CTNNA2: variants seen among roughly 807,000 people sequenced by gnomAD.
CTNNA2 encodes the protein catenin alpha 2, also known as catenin alpha-2.
CTNNA2 carries 42 observed loss-of-function variants against 101.0 expected under a neutral mutation model. The observed-to-expected ratio is 0.42, with a 90% CI of 0.32 to 0.54. The LOEUF (loss-of-function observed/expected upper bound fraction) is 0.54. Among genes scored for constraint, CTNNA2 ranks in the 20% least tolerant of loss-of-function variants. The pLI, the probability that CTNNA2 is intolerant of heterozygous loss-of-function variation, is 0.14. For synonymous variants in CTNNA2, 450 were observed against 456.4 expected, an observed-to-expected ratio of 0.99 and a Z score of 0.18; for missense variants, 871 against 1,223.1, an observed-to-expected ratio of 0.71 and a Z score of 4.29.
Position 80,303,346 on chromosome 2 carries a change from G to A in CTNNA2, c.1057-89865G>A, listed in dbSNP as rs140588949. On this transcript the variant is annotated intron_variant, in intron 7 of 18. Transcript: ENST00000402739. This position sits in a 1 kb window ranked among gnomAD's most constrained non-coding sequence, Gnocchi z 7.7. The stretch of plus-strand genomic sequence containing the variant: ...GCAGCGTGGTGAGCTTCCGCAGCCC[G>A]TGGAAGAGGTCGGGCGCGAGCGCCT... The A allele has an allele frequency of 2.0e-3, 3,199 of 1,614,012 alleles. 3 individuals carry two copies. Among genetic ancestry groups the A allele is most frequent in the South Asian group, 3.9e-3 (352 of 91,088 alleles).
intron 7 of CTNNA2, among the ~76,000 whole-genome samples, chr2:80,017,200 G>T (rs1694209699): frequency 6.6e-6 from 1 of 152,044 alleles, no homozygotes; most frequent in African/African-American, 2.4e-5. Flanking sequence ...AACTGGGAGT[G>T]GGGTGGGATC....
intron 3 of CTNNA2, among the ~76,000 whole-genome samples, chr2:79,333,115 C>T (rs1313221689): frequency 6.6e-6 from 1 of 152,128 alleles, no homozygotes; most frequent in East Asian, 1.9e-4. Flanking sequence ...TTTGAATCAT[C>T]AGAAATGTAA....
intron 9 of CTNNA2, among the ~76,000 whole-genome samples, chr2:80,515,697 G>T (rs1488444218): frequency 2.0e-5 from 3 of 152,146 alleles, no homozygotes; most frequent in African/African-American, 7.2e-5. Context: ...CACCACATGA[G>T]CTCAGATTTG....
intron 9 of CTNNA2, among the ~76,000 whole-genome samples, chr2:80,484,968 T>C (rs1294001919): frequency 6.6e-6 from 1 of 152,144 alleles, no homozygotes; most frequent in African/African-American, 2.4e-5. Flanking sequence ...ACTGTGCCAC[T>C]GCATTCCAGC....
intron 7 of CTNNA2, among the ~76,000 whole-genome samples, chr2:80,019,980 G>T (rs1558734371): frequency 6.6e-6 from 1 of 152,054 alleles, no homozygotes; most frequent in Non-Finnish European, 1.5e-5. Flanking sequence ...GTTGTTGCAA[G>T]TAGATCATTA....
chr2:80,584,380 T>C (rs1290661059), intron 14 of CTNNA2, among the ~76,000 whole-genome samples: 2 of 145,826 alleles, frequency 1.4e-5, no homozygotes, highest in Admixed American at 1.4e-4. Context: ...ATGTCCTTTA[T>C]ATGCCCATAT....
At chr2:80,114,277 AT>A (rs1241664048) in intron 7 of CTNNA2, among the ~76,000 whole-genome samples, 1 of 152,220 alleles carries the variant, frequency 6.6e-6, no homozygotes, top group African/African-American at 2.4e-5. Flanking sequence ...TGGGAAAACT[AT>A]TGTGATTTCA....
rs972829645 is a variant in CTNNA2 at position 79,963,257 on chromosome 2, T to C, written c.1056+53460T>C. On this transcript the variant is annotated intron_variant, in intron 7 of 18. Transcript: ENST00000402739. ...TTCGTTTACATTGTATGACTGCCAG[T>C]CTTGTGTAAGTGAAGTGGAAACATG... is the stretch of plus-strand genomic sequence containing the variant. Among the ~76,000 whole-genome samples, 5 of 152,090 alleles carry C rather than the reference T, an allele frequency of 3.3e-5. No homozygotes were observed. In the South Asian group the frequency reaches 1.0e-3, roughly 32 times the overall value.
At position 80,264,327 on chromosome 2, in the gene CTNNA2, T is replaced by A. The variant is rs117120875; in HGVS notation, c.1057-128884T>A. On this transcript the variant is annotated intron_variant, in intron 7 of 18. Transcript: ENST00000402739. ...AATTGCATTTTCCAGCTTACTTATT[T>A]CCATAAACGAGCCCAAAAATTTAAT... 3.7e-4 allele frequency among the ~76,000 whole-genome samples: 56 copies of A among 152,212 alleles called. 2 individuals carry two copies. The East Asian group carries it at 0.011, about 29-fold the overall frequency.
At chr2:80,463,788 A>G (rs1025098392) in intron 9 of CTNNA2, among the ~76,000 whole-genome samples, 7 of 152,148 alleles carry the variant, frequency 4.6e-5, no homozygotes, top group Admixed American at 3.3e-4. Context: ...TCTAGTATAT[A>G]TTTTCTAGGC....
chr2:79,242,024 G>C (rs1008928017), intron 2 of CTNNA2, among the ~76,000 whole-genome samples: 2 of 152,000 alleles, frequency 1.3e-5, no homozygotes, highest in Non-Finnish European at 1.5e-5. Flanking sequence ...TCCTGCCTCA[G>C]CCTCCCTAGT....
intron 7 of CTNNA2, among the ~76,000 whole-genome samples, chr2:80,378,270 C>G (rs962549310): frequency 6.6e-6 from 1 of 151,844 alleles, no homozygotes; most frequent in Non-Finnish European, 1.5e-5. Context: ...GCAGGAGAAT[C>G]ACTTGAACGC....
At chr2:79,300,673 A>G (rs914289779) in intron 2 of CTNNA2, among the ~76,000 whole-genome samples, 4 of 152,124 alleles carry the variant, frequency 2.6e-5, no homozygotes, top group South Asian at 2.1e-4. Flanking sequence ...TAAATCTTAT[A>G]TTTCTTAAAA....
intron 2 of CTNNA2, among the ~76,000 whole-genome samples, chr2:79,656,777 C>A (rs138088982): frequency 1.3e-5 from 2 of 151,976 alleles, no homozygotes; most frequent in African/African-American, 2.4e-5. Flanking sequence ...CAATAGGTCA[C>A]ATTCTGTATT....
chr2:80,201,143 A>G (rs1201465411), intron 7 of CTNNA2, among the ~76,000 whole-genome samples: 17 of 152,076 alleles, frequency 1.1e-4, no homozygotes. Flanking sequence ...AATTGTTATC[A>G]TACTGAATTG....
chr2:79,294,997 G>GTGTA (rs1438057841), intron 2 of CTNNA2, among the ~76,000 whole-genome samples: 2 of 143,642 alleles, frequency 1.4e-5, no homozygotes, highest in Non-Finnish European at 3.0e-5. Context: ...GTGAGTTCAT[G>GTGTA]TGTGTGTGTG....
At chr2:80,210,563 G>A (rs568919029) in intron 7 of CTNNA2, among the ~76,000 whole-genome samples, 34 of 152,148 alleles carry the variant, frequency 2.2e-4, no homozygotes, top group South Asian at 8.3e-4. Flanking sequence ...TTATGGCTGC[G>A]TAGTTTTCCA....
intron 3 of CTNNA2, among the ~76,000 whole-genome samples, chr2:79,324,999 A>G (rs1210227423): frequency 6.6e-6 from 1 of 152,158 alleles, no homozygotes; most frequent in Non-Finnish European, 1.5e-5. Flanking sequence ...CCACCCTTCA[A>G]TAAGTCTCAA....
chr2:80,001,649 G>A (rs1165144850), intron 7 of CTNNA2, among the ~76,000 whole-genome samples: 1 of 152,156 alleles, frequency 6.6e-6, no homozygotes, highest in Non-Finnish European at 1.5e-5. Flanking sequence ...CTATTGCAAA[G>A]GGAGAGAGAA....
Sources: gnomAD v4.1 joint callset for allele counts (sites outside exome capture counted in the v4.1 genomes callset) on GRCh38, gnomAD v4.1.1 for gene constraint, Gnocchi (gnomAD v3.1) non-coding constraint, MANE v1.5 for transcripts, NCBI Gene and HGNC (gene_info 2026-07-23, HGNC 2026-07-21) for gene names.